Variants in L3MBTL4 observed in about 807,000 individuals in gnomAD.
The protein encoded by L3MBTL4 is L3MBTL histone methyl-lysine binding protein 4.
A neutral mutation model predicts 84.5 loss-of-function variants in L3MBTL4; 70 were observed. That is an observed-to-expected ratio of 0.83 (90% CI 0.68 to 1.01). L3MBTL4 has a LOEUF of 1.01. Among genes scored for constraint, L3MBTL4 ranks in the 50% least tolerant of loss-of-function variants. The probability of loss-of-function intolerance (pLI) is 0.00; values close to 1 mark genes in which losing one functional copy is unlikely to be tolerated. For synonymous variants in L3MBTL4, 274 were observed against 259.8 expected (o/e 1.05, Z -0.52); for missense variants, 715 against 754.8 (o/e 0.95, Z 0.62).
chr18:6,209,020 C>A (rs1487433194), intron 12 of L3MBTL4, among the ~76,000 whole-genome samples: 1 of 152,148 alleles, frequency 6.6e-6, no homozygotes. Flanking sequence ...ATGGTCCTAT[C>A]CCCCAGCACT....
chr18:6,240,797 C>T (rs2047419152), intron 8 of L3MBTL4, among the ~76,000 whole-genome samples: 1 of 152,202 alleles, frequency 6.6e-6, no homozygotes, highest in Non-Finnish European at 1.5e-5. Flanking sequence ...CAGTGAGTGG[C>T]CTGCACAGTG....
intron 16 of L3MBTL4, among the ~76,000 whole-genome samples, chr18:6,044,864 C>A (rs2056547371): frequency 6.6e-6 from 1 of 152,116 alleles, no homozygotes; most frequent in Non-Finnish European, 1.5e-5. Flanking sequence ...AATAACTAAG[C>A]TATTTTTTCC....
At chr18:6,168,543 T>C (rs1263854358) in intron 13 of L3MBTL4, among the ~76,000 whole-genome samples, 1 of 152,180 alleles carries the variant, frequency 6.6e-6, no homozygotes, top group Non-Finnish European at 1.5e-5. Context: ...AACTATCTGA[T>C]CTTTGACAAA....
chr18:6,311,484 C>A (rs2050827716), intron 3 of L3MBTL4, 70 bp downstream of exon 3: 1 of 1,317,254 alleles, frequency 7.6e-7, no homozygotes. Context: ...TATGTGAACT[C>A]TACTATTCCA....
chr18:6,158,688 C>A (rs944329058), intron 13 of L3MBTL4, among the ~76,000 whole-genome samples: 1 of 152,182 alleles, frequency 6.6e-6, no homozygotes, highest in African/African-American at 2.4e-5. Flanking sequence ...AGCTGTACAT[C>A]TGTAGAAAGA....
chr18:6,028,763 C>A (rs1202109569), intron 16 of L3MBTL4, among the ~76,000 whole-genome samples: 1 of 152,010 alleles, frequency 6.6e-6, no homozygotes, highest in East Asian at 1.9e-4. Context: ...ACTTGTATTC[C>A]CAGGTATTTT....
intron 15 of L3MBTL4, among the ~76,000 whole-genome samples, chr18:6,092,140 G>A (rs2058480574): frequency 6.6e-6 from 1 of 152,204 alleles, no homozygotes; most frequent in Non-Finnish European, 1.5e-5. Context: ...AATAGATCAT[G>A]CAATAGAGAG....
chr18:6,058,752 C>G (rs1016727879), intron 16 of L3MBTL4, among the ~76,000 whole-genome samples: 3 of 152,094 alleles, frequency 2.0e-5, no homozygotes, highest in Non-Finnish European at 4.4e-5. Context: ...ATAAATAATC[C>G]GTACATGTTC....
intron 14 of L3MBTL4, among the ~76,000 whole-genome samples, chr18:6,137,616 A>G (rs191684462): frequency 1.3e-5 from 2 of 152,332 alleles, no homozygotes; most frequent in Admixed American, 1.3e-4. Context: ...TAAATAATTT[A>G]TCTATACATT....
intron 1 of L3MBTL4, among the ~76,000 whole-genome samples, chr18:6,388,699 T>G (rs2054923416): frequency 6.6e-6 from 1 of 152,200 alleles, no homozygotes; most frequent in South Asian, 2.1e-4. Context: ...TAACAAAACA[T>G]TCATGGATAT....
intron 1 of L3MBTL4, among the ~76,000 whole-genome samples, chr18:6,373,152 G>A (rs77791586): frequency 2.2e-3 from 332 of 152,198 alleles, no homozygotes; most frequent in African/African-American, 7.6e-3. Context: ...TAATGAGGCC[G>A]CACCATGAAG....
chr18:5,971,792 C>A (rs1459374541), intron 16 of L3MBTL4, among the ~76,000 whole-genome samples: 2 of 152,168 alleles, frequency 1.3e-5, no homozygotes, highest in Non-Finnish European at 2.9e-5. Context: ...CAGTCCACTG[C>A]TTGCCACTCT....
chr18:5,964,800 C>T (rs1940611), intron 17 of L3MBTL4, among the ~76,000 whole-genome samples: 59,145 of 151,974 alleles, frequency 0.39, 11,852 homozygotes, highest in East Asian at 0.6. Flanking sequence ...CCTGCCTGCC[C>T]GCGTGTGCCT....
At position 6,263,927 on chromosome 18, in the gene L3MBTL4, T is replaced by C. The variant is rs2048516380; in HGVS notation, c.219+20A>G. ...TAAGTGTTGCTTCCTTGCAAAAATA[T>C]AAGTCCTTCAGTGGCTGACCTTGGA... is the stretch of plus-strand genomic sequence containing the variant. On this transcript the variant is annotated intron_variant, in intron 5 of 18. Coordinates refer to ENST00000317931, the MANE Select transcript of L3MBTL4 (RefSeq NM_001330559.2). The C allele has an allele frequency of 6.4e-7, 1 of 1,573,748 alleles. No individual in the cohort carries two copies. Among genetic ancestry groups the C allele is most frequent in the Non-Finnish European group, 8.7e-7 (1 of 1,143,072 alleles).
chr18:6,008,373 CTCAACAATATGAGATGTTACAACTT>C (rs1412304368), intron 16 of L3MBTL4, among the ~76,000 whole-genome samples: 1 of 152,160 alleles, frequency 6.6e-6, no homozygotes, highest in Non-Finnish European at 1.5e-5. Context: ...CTGTGGGCTC[CTCAACAATATGAGATGTTACAACTT>C]TCTATCCAGG....
chr18:6,031,751 C>T (rs1847132164), intron 16 of L3MBTL4: 2 of 984,866 alleles, frequency 2.0e-6, no homozygotes, highest in African/African-American at 3.5e-5. Context: ...AAAGTGCTGT[C>T]TCACACCTCT....
intron 1 of L3MBTL4, among the ~76,000 whole-genome samples, chr18:6,373,993 C>G (rs2144233019): frequency 6.6e-6 from 1 of 152,226 alleles, no homozygotes; most frequent in East Asian, 1.9e-4. Context: ...TAAGAGAGGA[C>G]TTTTCTTCAT....
chr18:6,294,038 T>C (rs1017319740), intron 4 of L3MBTL4, among the ~76,000 whole-genome samples: 6 of 152,204 alleles, frequency 3.9e-5, no homozygotes, highest in Non-Finnish European at 8.8e-5. Flanking sequence ...GTATCAATGC[T>C]AATTTCCTGC....
chr18:6,208,332 G>C (rs1056697453), intron 12 of L3MBTL4, among the ~76,000 whole-genome samples: 2 of 152,016 alleles, frequency 1.3e-5, no homozygotes, highest in African/African-American at 2.4e-5. Context: ...ACCCAAAATA[G>C]TTTCTAGTTA....
Sources: allele counts gnomAD v4.1 joint callset (sites outside exome capture counted in the v4.1 genomes callset), GRCh38; gene constraint gnomAD v4.1.1; transcripts MANE v1.5; gene names NCBI Gene and HGNC (gene_info 2026-07-23, HGNC 2026-07-21).